Variants in ANKRD55 observed in about 807,000 individuals in gnomAD.
ANKRD55 encodes ankyrin repeat domain 55.
A neutral mutation model predicts 60.6 loss-of-function variants in ANKRD55; 41 were observed. The observed-to-expected ratio is 0.68, with a 90% CI of 0.53 to 0.88. ANKRD55 has a LOEUF of 0.88. Among genes scored for constraint, ANKRD55 ranks in the 40% least tolerant of loss-of-function variants. The pLI is 0.00. For missense variants in ANKRD55, 732 were observed against 767.6 expected, an observed-to-expected ratio of 0.95 and a Z score of 0.55; for synonymous variants, 264 against 290.3, an observed-to-expected ratio of 0.91 and a Z score of 0.92.
At chr5:56,111,073 C>T (rs369861692) in intron 10 of ANKRD55, 45 bp downstream of exon 10, 240 of 1,574,834 alleles carry the variant, frequency 1.5e-4, no homozygotes, top group Non-Finnish European at 2.0e-4. Context: ...GGGACATTTC[C>T]AGTATAGAGC....
chr5:56,146,056 C>T (rs1561269148), intron 6 of ANKRD55, among the ~76,000 whole-genome samples: 2 of 152,174 alleles, frequency 1.3e-5, no homozygotes, highest in East Asian at 3.9e-4. Context: ...ATGGATAGCC[C>T]GTTTCCCAGT....
chr5:56,159,288 C>T (rs1013995074), intron 6 of ANKRD55, among the ~76,000 whole-genome samples: 4 of 152,142 alleles, frequency 2.6e-5, no homozygotes, highest in African/African-American at 9.7e-5. Context: ...ACGGAGAAAC[C>T]CCATCTCTAC....
intron 8 of ANKRD55, among the ~76,000 whole-genome samples, chr5:56,124,767 A>G (rs1438316599): frequency 6.6e-6 from 1 of 152,162 alleles, no homozygotes; most frequent in African/African-American, 2.4e-5. Flanking sequence ...CAGCCTCCCA[A>G]AGTGCTGGGA....
chr5:56,200,171 T>A (rs1445453387), intron 2 of ANKRD55, among the ~76,000 whole-genome samples: 2 of 152,134 alleles, frequency 1.3e-5, no homozygotes, highest in African/African-American at 2.4e-5. Flanking sequence ...CTTACTAGCT[T>A]TAATAAACTA....
At chr5:56,162,356 C>T (rs1367776681) in intron 5 of ANKRD55, among the ~76,000 whole-genome samples, 5 of 152,174 alleles carry the variant, frequency 3.3e-5, no homozygotes, top group Admixed American at 1.3e-4. Flanking sequence ...TTCTAGGGAC[C>T]GCATCAACCA....
At chr5:56,210,475 A>G (rs969572220) in intron 2 of ANKRD55, among the ~76,000 whole-genome samples, 1 of 147,836 alleles carries the variant, frequency 6.8e-6, no homozygotes, top group Non-Finnish European at 1.5e-5. Context: ...GGCAGGAGAA[A>G]GGCGTGAACC....
Position 56,133,699 on chromosome 5 carries a change from T to G in ANKRD55, c.613-6593A>C, listed in dbSNP as rs1291243948. Among the ~76,000 whole-genome samples the G allele has an allele frequency of 2.6e-5, 3 of 113,620 alleles. 1 individual carries two copies. The highest frequency in any genetic ancestry group is 8.6e-5 in the African/African-American group (3 of 34,970). 74.5% of individuals were successfully genotyped at this position (113,620 alleles called of 152,430 possible). On this transcript the variant is annotated intron_variant, in intron 7 of 11. Transcript: ENST00000341048. ...CTGAACATGTGGAGATTAAACAATA[T>G]AAGTAACACATGGTTCAAAAGAAGA...
At chr5:56,207,585 C>A (rs1328579634) in intron 2 of ANKRD55, among the ~76,000 whole-genome samples, 1 of 152,202 alleles carries the variant, frequency 6.6e-6, no homozygotes, top group African/African-American at 2.4e-5. Context: ...GGCTGCCATC[C>A]TGTACAGCAT....
intron 6 of ANKRD55, among the ~76,000 whole-genome samples, chr5:56,157,809 G>T (rs1202402652): frequency 6.6e-6 from 1 of 152,152 alleles, no homozygotes; most frequent in Non-Finnish European, 1.5e-5. Context: ...GGAACTCAGA[G>T]ACCGGAGCCG....
chr5:56,173,077 T>A (rs1364249908), intron 4 of ANKRD55, among the ~76,000 whole-genome samples: 1 of 152,202 alleles, frequency 6.6e-6, no homozygotes, highest in East Asian at 1.9e-4. Context: ...CTAGTGCCAA[T>A]GAACTTTCTG....
At chr5:56,188,424 T>C (rs1454642254) in intron 2 of ANKRD55, among the ~76,000 whole-genome samples, 1 of 150,210 alleles carries the variant, frequency 6.7e-6, no homozygotes, top group African/African-American at 2.4e-5. Flanking sequence ...TCCCGAAGCA[T>C]TTCCCCAATG....
At chr5:56,168,282 G>A (rs1419211683) in intron 5 of ANKRD55, among the ~76,000 whole-genome samples, 1 of 152,130 alleles carries the variant, frequency 6.6e-6, no homozygotes, top group Non-Finnish European at 1.5e-5. Context: ...GTTCACTGTG[G>A]TTCAAAAACA....
At chr5:56,154,750 G>C (rs1398637170) in intron 6 of ANKRD55, among the ~76,000 whole-genome samples, 2 of 152,088 alleles carry the variant, frequency 1.3e-5, no homozygotes, top group East Asian at 3.9e-4. Context: ...CACTACAGCC[G>C]GCTAATTTTC....
intron 7 of ANKRD55, 91 bp from the exon 8 acceptor site, chr5:56,127,197 A>G: frequency 7.4e-7 from 1 of 1,347,550 alleles, no homozygotes; most frequent in Non-Finnish European, 9.6e-7. Flanking sequence ...AAGGAAAAAA[A>G]GGAAAGAAAG....
intron 4 of ANKRD55, among the ~76,000 whole-genome samples, chr5:56,171,165 G>C (rs544382724): frequency 6.6e-6 from 1 of 152,104 alleles, no homozygotes; most frequent in Non-Finnish European, 1.5e-5. Context: ...GTAACCACAA[G>C]GACAGCACCT....
chr5:56,144,240 A>T (rs1212456211), intron 6 of ANKRD55, among the ~76,000 whole-genome samples: 1 of 152,228 alleles, frequency 6.6e-6, no homozygotes, highest in East Asian at 1.9e-4. Flanking sequence ...AATCTTCCAG[A>T]TTGATAAATA....
At chr5:56,156,721 G>A (rs1758203444) in intron 6 of ANKRD55, among the ~76,000 whole-genome samples, 1 of 152,124 alleles carries the variant, frequency 6.6e-6, no homozygotes, top group African/African-American at 2.4e-5. Context: ...CGACACCATG[G>A]GCAGAGTGAC....
At chr5:56,130,403 G>T (rs1272824484) in intron 7 of ANKRD55, among the ~76,000 whole-genome samples, 1 of 152,088 alleles carries the variant, frequency 6.6e-6, no homozygotes, top group Non-Finnish European at 1.5e-5. Flanking sequence ...CACCTAAGAA[G>T]GGGAAAAAAC....
chr5:56,167,030 C>A (rs938930208), intron 5 of ANKRD55, among the ~76,000 whole-genome samples: 3 of 152,208 alleles, frequency 2.0e-5, no homozygotes, highest in Admixed American at 1.3e-4. Flanking sequence ...CCTAAAATTT[C>A]TCAAACAACT....
Sources: allele counts gnomAD v4.1 joint callset (sites outside exome capture counted in the v4.1 genomes callset), GRCh38; gene constraint gnomAD v4.1.1; transcripts MANE v1.5; gene names NCBI Gene and HGNC (gene_info 2026-07-23, HGNC 2026-07-21).